The following KCNN2 variants were observed in gnomAD, a reference collection of about 807,000 sequenced individuals.
KCNN2 encodes small conductance calcium-activated potassium channel protein 2.
KCNN2 carries 24 observed loss-of-function variants against 55.5 expected under a neutral mutation model. The ratio of observed to expected loss-of-function variants is 0.43; its 90% CI spans 0.31 to 0.61. KCNN2 has a LOEUF of 0.61. Ranked by LOEUF, KCNN2 falls within the 20% of genes least tolerant of loss-of-function variation. KCNN2 has a pLI of 0.08. For missense variants in KCNN2, 754 were observed against 853.6 expected (o/e 0.88, Z 1.45); for synonymous variants, 431 against 336.1 (o/e 1.28, Z -3.09).
intron 1 of KCNN2, among the ~76,000 whole-genome samples, chr5:114,103,440 T>G (rs1009757027): frequency 2.6e-5 from 4 of 152,150 alleles, no homozygotes; most frequent in African/African-American, 9.7e-5. Flanking sequence ...CTGATTACCC[T>G]GGCCAGAACT....
At chr5:114,229,565 A>G (rs1754313550) in intron 2 of KCNN2, among the ~76,000 whole-genome samples, 1 of 151,738 alleles carries the variant, frequency 6.6e-6, no homozygotes, top group Non-Finnish European at 1.5e-5. Flanking sequence ...TCAGAGTACC[A>G]GGTTCATATG....
At chr5:114,239,328 G>T (rs1345510610) in intron 2 of KCNN2, among the ~76,000 whole-genome samples, 3 of 152,144 alleles carry the variant, frequency 2.0e-5, no homozygotes, top group Non-Finnish European at 4.4e-5. Flanking sequence ...AGAAGGAAAA[G>T]AGGAAAAGTT....
intron 2 of KCNN2, among the ~76,000 whole-genome samples, chr5:114,303,360 T>C (rs557551550): frequency 6.6e-6 from 1 of 152,334 alleles, no homozygotes; most frequent in African/African-American, 2.4e-5. Context: ...GTTACTTAGC[T>C]GAAGGGCTGT....
At chr5:114,109,973 G>A (rs1751562527) in intron 1 of KCNN2, among the ~76,000 whole-genome samples, 1 of 151,978 alleles carries the variant, frequency 6.6e-6, no homozygotes, top group Non-Finnish European at 1.5e-5. Context: ...TAGTCCATGA[G>A]GGCTCCTCCC....
chr5:114,285,283 C>CAGA (rs1755717566), intron 2 of KCNN2, among the ~76,000 whole-genome samples: 1 of 56,290 alleles, frequency 1.8e-5, no homozygotes, highest in Non-Finnish European at 3.0e-5. Context: ...ACTCCATCTC[C>CAGA]AAAAAAAAAA....
At chr5:114,258,704 G>T (rs4260658) in intron 2 of KCNN2, among the ~76,000 whole-genome samples, 149,801 of 152,320 alleles carry the variant, frequency 0.98, 73,728 homozygotes, top group Middle Eastern at 1. Context: ...TGCCCTCATC[G>T]TGGTGCTTGG....
At chr5:114,075,639 C>T (rs2931492) in intron 1 of KCNN2, among the ~76,000 whole-genome samples, 132,957 of 152,262 alleles carry the variant, frequency 0.87, 58,211 homozygotes, top group Non-Finnish European at 0.9. Context: ...ATACTCACAA[C>T]TGGCCATTAT....
chr5:114,486,681 A>AT (rs1747556083), intron 5 of KCNN2: 15 of 1,220,806 alleles, frequency 1.2e-5, no homozygotes, highest in Non-Finnish European at 1.6e-5. Flanking sequence ...GCCTCATGGT[A>AT]TTTTGTCTTT....
At chr5:114,491,767 T>G (rs1431817605) in intron 6 of KCNN2, among the ~76,000 whole-genome samples, 2 of 152,232 alleles carry the variant, frequency 1.3e-5, no homozygotes, top group Non-Finnish European at 1.5e-5. Context: ...AAGGTCCAGT[T>G]AGAGTAAGGA....
rs76294731 is a variant in KCNN2 at position 114,220,869 on chromosome 5, G to C, written c.-270-611G>C. Among the ~76,000 whole-genome samples the C allele has an allele frequency of 5.1e-3, 758 of 149,852 alleles. 8 individuals are homozygous for C. The highest frequency in any genetic ancestry group is 0.018 in the African/African-American group (738 of 40,802). ...AAGTTAAAGTCAAGTTAAAGACTCA[G>C]ATCAGAAGATAGGTCGAAAAGTTCC... On this transcript the variant is annotated intron_variant, in intron 1 of 10. Coordinates refer to the KCNN2 transcript ENST00000512097.
At chr5:114,188,818 G>A (rs903852466) in intron 1 of KCNN2, among the ~76,000 whole-genome samples, 1 of 152,138 alleles carries the variant, frequency 6.6e-6, no homozygotes, top group Non-Finnish European at 1.5e-5. Context: ...AAAAAAGGAG[G>A]TGGTGGGGTA....
intron 3 of KCNN2, among the ~76,000 whole-genome samples, chr5:114,462,472 C>CTATT (rs1761254580): frequency 6.6e-6 from 1 of 152,102 alleles, no homozygotes; most frequent in African/African-American, 2.4e-5. Flanking sequence ...GTAGATTGAC[C>CTATT]TATTATAATA....
intron 3 of KCNN2, among the ~76,000 whole-genome samples, chr5:114,462,446 G>T (rs745480180): frequency 7.6e-4 from 116 of 152,160 alleles, no homozygotes; most frequent in Non-Finnish European, 9.6e-4. Context: ...TGTGTTCAAG[G>T]ATGAAGGACA....
chr5:114,102,497 A>G (rs1353196232), intron 1 of KCNN2, among the ~76,000 whole-genome samples: 2 of 152,186 alleles, frequency 1.3e-5, no homozygotes, highest in Non-Finnish European at 2.9e-5. Flanking sequence ...TGTTTTAGTC[A>G]TGAAGGCCTT....
intron 1 of KCNN2, among the ~76,000 whole-genome samples, chr5:114,097,366 T>C (rs1012508525): frequency 2.3e-4 from 35 of 152,188 alleles, no homozygotes; most frequent in Admixed American, 4.6e-4. Flanking sequence ...TTGTAATACC[T>C]GTGCAAATCC....
At chr5:114,229,630 T>C (rs1754315829) in intron 2 of KCNN2, among the ~76,000 whole-genome samples, 1 of 152,036 alleles carries the variant, frequency 6.6e-6, no homozygotes, top group Admixed American at 6.6e-5. Context: ...TTAAAATATA[T>C]GTGTATTATA....
In KCNN2 at chr5:114,483,434, C is replaced by T. The variant is rs1342287592; in HGVS notation, c.1891-3616C>T. Among the ~76,000 whole-genome samples, 5 of 151,846 alleles carry T rather than the reference C, an allele frequency of 3.3e-5. No individual in the cohort carries two copies. In the South Asian group the frequency reaches 8.3e-4, roughly 25 times the overall value. The stretch of plus-strand genomic sequence containing the variant: ...GGACTACAGGCATGCTCAACCACGC[C>T]CATCTAATTTTGTATTTTTAGTAGA... On this transcript the variant is annotated intron_variant, in intron 5 of 7. Transcript: ENST00000673685.
chr5:114,383,316 T>C (rs1029842472), intron 2 of KCNN2, among the ~76,000 whole-genome samples: 1 of 152,162 alleles, frequency 6.6e-6, no homozygotes, highest in Non-Finnish European at 1.5e-5. Context: ...CTCTCAAATA[T>C]TAGATGTGGC....
intron 1 of KCNN2, among the ~76,000 whole-genome samples, chr5:114,175,555 C>T (rs60333854): frequency 6.6e-6 from 1 of 151,922 alleles, no homozygotes; most frequent in Non-Finnish European, 1.5e-5. Flanking sequence ...TATTTTTATG[C>T]TGAAGATCCT....
Sources: allele counts gnomAD v4.1 joint callset (sites outside exome capture counted in the v4.1 genomes callset), GRCh38; gene constraint gnomAD v4.1.1; transcripts MANE v1.5; gene names NCBI Gene and HGNC (gene_info 2026-07-23, HGNC 2026-07-21).